Variants in PDRG1 observed in about 807,000 individuals in gnomAD.
PDRG1 encodes p53 and DNA damage regulated 1, also known as p53 and DNA damage-regulated protein 1.
A neutral mutation model predicts 18.4 loss-of-function variants in PDRG1; 14 were observed. The ratio of observed to expected loss-of-function variants is 0.76; its 90% confidence interval spans 0.50 to 1.19. The LOEUF is 1.19. Ranked by LOEUF, PDRG1 falls within the 50% of genes most tolerant of loss-of-function variation. The pLI is 0.00. For missense variants in PDRG1, 177 were observed against 160.1 expected (o/e 1.11, Z -0.57); for synonymous variants, 65 against 60.9 (o/e 1.07, Z -0.31).
chr20:31,946,474 C>T, intron 4 of PDRG1, 22 bp downstream of exon 4: 3 of 1,571,842 alleles, frequency 1.9e-6, no homozygotes, highest in Non-Finnish European at 2.6e-6. Flanking sequence ...CTTCTTATCT[C>T]CAGTCCCTGC....
At position 31,948,836 on chromosome 20, in the gene PDRG1, G is replaced by A. The variant is rs1204261027; in HGVS notation, c.210C>T (p.His70=). The A allele has an allele frequency of 9.9e-6, 16 of 1,613,922 alleles. No homozygotes were observed. Among genetic ancestry groups the A allele is most frequent in the Non-Finnish European group, 1.4e-5 (16 of 1,179,982 alleles). ...TTTCAATCATTTCCTTTGTCTCAGG[G>A]TGAGGCATCTTGATAAACATGTTCC... ...CFGNMFIKMP[H]PETKEMIEKD... The change falls in exon 3 of 5, where the codon CAC becomes CAT. Residue 70 remains histidine, a synonymous_variant. Transcript: ENST00000202017.
intron 1 of PDRG1, among the ~76,000 whole-genome samples, chr20:31,951,195 C>G (rs1177566346): frequency 6.6e-6 from 1 of 152,144 alleles, no homozygotes; most frequent in Non-Finnish European, 1.5e-5. Flanking sequence ...AGTCACGACT[C>G]CCCCGGCTCC....
rs1234387329 is a variant in PDRG1, at chr20:31,951,941, C to A, written c.21G>T (p.Glu7Asp). MLSPEA[E>D]RVLRYLVEVE... ...CTTCTACAAGGTACCGCAGCACTCG[C>A]TCTGCCTCGGGTGATAGCATAGCGC... Residue 7 changes from glutamate to aspartate, a missense_variant, in exon 1 of 5, where the codon GAG becomes GAT. Coordinates refer to ENST00000202017, the MANE Select transcript of PDRG1 (RefSeq NM_030815.3). 1.9e-6 allele frequency: 3 copies of A among 1,582,008 alleles called. No individual in the cohort carries two copies. Among genetic ancestry groups the A allele is most frequent in the Non-Finnish European group, 2.6e-6 (3 of 1,165,314 alleles).
Position 31,945,591 on chromosome 20 carries a change from C to G in PDRG1, c.*216G>C. On this transcript the variant is annotated 3_prime_UTR_variant, in exon 5 of 5. Transcript: ENST00000202017. Reference sequence around the variant, plus strand: ...GCCCGTCAATAGATCTTGTGTCCACCGAGCCCTGGTGTCCAGGTCCAGCAG... The same window carrying G: ...GCCCGTCAATAGATCTTGTGTCCACGGAGCCCTGGTGTCCAGGTCCAGCAG... 1 of 487,618 alleles carries G rather than the reference C, an allele frequency of 2.1e-6. No homozygotes were observed. The highest frequency in any genetic ancestry group is 3.6e-5 in the East Asian group (1 of 28,140). 30.2% of individuals were successfully genotyped at this position (487,618 alleles called of 1,614,324 possible). A position where few individuals can be genotyped will look rare whatever the true frequency, so the allele number is the denominator to read the frequency against.
chr20:31,948,877 C>G lies in PDRG1; in HGVS notation c.169G>C (p.Val57Leu). The G allele has an allele frequency of 6.2e-7, 1 of 1,613,704 alleles. No homozygotes were observed. Among genetic ancestry groups the G allele is most frequent in the Non-Finnish European group, 8.5e-7 (1 of 1,179,856 alleles). ...LQKDLSLSED[V>L]MVCFGNMFIK... is the part of the protein sequence containing the mutation. ...AACATGTTCCCGAAGCAAACCATCACATCTTCTGAAAGAGCAAATAGTAAT... is the reference window on the plus strand; with the variant it reads ...AACATGTTCCCGAAGCAAACCATCAGATCTTCTGAAAGAGCAAATAGTAAT... Residue 57 changes from valine (V) to leucine (L), a missense_variant, in exon 3 of 5, where the codon GTG (valine) becomes CTG (leucine). Val to Leu is a conservative substitution (Grantham distance 32). Transcript: ENST00000202017.
At chr20:31,948,548 C>T (rs908782344) in intron 3 of PDRG1, among the ~76,000 whole-genome samples, 1 of 152,234 alleles carries the variant, frequency 6.6e-6, no homozygotes, top group Non-Finnish European at 1.5e-5. Context: ...ACTGATTCCT[C>T]ACTAATAAGA....
chr20:31,948,940 C>T lies in PDRG1; in HGVS notation c.164-58G>A. 4 of 1,516,906 alleles carry T rather than the reference C, an allele frequency of 2.6e-6. No homozygotes were observed. In the South Asian group the frequency reaches 3.4e-5, roughly 13 times the overall value. 94.0% of individuals were successfully genotyped at this position (1,516,906 alleles called of 1,614,324 possible). On this transcript the variant is annotated intron_variant, in intron 2 of 4. Coordinates refer to ENST00000202017, the MANE Select transcript of PDRG1 (RefSeq NM_030815.3). ...TTTTTTTTGAGTACCTATTATCTGC[C>T]AGGCATTGTTTTAGATACAGACAAC...
Position 31,951,973 on chromosome 20 carries a change from A to G in PDRG1, c.-12T>C. The G allele has an allele frequency of 6.5e-7, 1 of 1,546,716 alleles. No individual in the cohort carries two copies. The highest frequency in any genetic ancestry group is 8.7e-7 in the Non-Finnish European group (1 of 1,148,790). On this transcript the variant is annotated 5_prime_UTR_variant, in exon 1 of 5. Transcript: ENST00000202017. Reference sequence around the variant, plus strand: ...TCGGGTGATAGCATAGCGCCCACCAACTCCGCTTGCGGCTCTCGCGCGACC... The same window carrying G: ...TCGGGTGATAGCATAGCGCCCACCAGCTCCGCTTGCGGCTCTCGCGCGACC...
intron 1 of PDRG1, among the ~76,000 whole-genome samples, chr20:31,951,385 G>T (rs896784841): frequency 6.6e-6 from 1 of 152,030 alleles, no homozygotes; most frequent in Non-Finnish European, 1.5e-5. Flanking sequence ...AGCCAGGGGG[G>T]ATCCTTTTAA....
chr20:31,951,833 G>T lies in PDRG1; in HGVS notation c.87+42C>A, dbSNP rs756445527. 42 of 1,524,634 alleles carry T rather than the reference G, an allele frequency of 2.8e-5. No homozygotes were observed. In the African/African-American group the frequency reaches 5.7e-4, roughly 21 times the overall value. 94.4% of individuals were successfully genotyped at this position (1,524,634 alleles called of 1,614,324 possible). On this transcript the variant is annotated intron_variant, in intron 1 of 4. Transcript: ENST00000202017. Reference sequence around the variant, plus strand: ...CTGCGACCCCGCGCGCTTTCCCACGGCGCCGGCCGCCAGGCCCCAGCGCCG... The same window carrying T: ...CTGCGACCCCGCGCGCTTTCCCACGTCGCCGGCCGCCAGGCCCCAGCGCCG...
chr20:31,946,666 G>T, intron 3 of PDRG1, 90 bp from the exon 4 acceptor site: 1 of 1,161,982 alleles, frequency 8.6e-7, no homozygotes, highest in South Asian at 1.2e-5. Flanking sequence ...CCCCAGCAAG[G>T]GCGTGTAGCT....
Position 31,946,581 on chromosome 20 carries a change from AAAAATGAGGGGGGCAAGCAGAGGAT to A in PDRG1, c.239-30_239-6del. ...CTTTATCCAGATGATCTTGATCTGA[AAAAATGAGGGGGGCAAGCAGAGGAT>A]AAGATTGTACCAGACAGACTTGATC... On this transcript the variant is annotated splice_region_variant and splice_polypyrimidine_tract_variant and intron_variant, in intron 3 of 4. Coordinates refer to ENST00000202017, the MANE Select transcript of PDRG1 (RefSeq NM_030815.3). 6.2e-7 allele frequency: 1 copy of A among 1,607,478 alleles called. No homozygotes were observed. The highest frequency in any genetic ancestry group is 8.5e-7 in the Non-Finnish European group (1 of 1,174,102).
chr20:31,950,443 C>A, intron 1 of PDRG1, 56 bp from the exon 2 acceptor site: 1 of 1,336,790 alleles, frequency 7.5e-7, no homozygotes, highest in Non-Finnish European at 1.1e-6. Flanking sequence ...AAGCTGTCAC[C>A]TCTTGACAGA....
intron 3 of PDRG1, 91 bp downstream of exon 3, chr20:31,948,717 C>A: frequency 4.1e-6 from 5 of 1,217,796 alleles, no homozygotes; most frequent in South Asian, 1.4e-5. Flanking sequence ...CCTCTCCTTA[C>A]GCTGCCTGAA....
Position 31,945,894 on chromosome 20 carries a change from G to A in PDRG1, c.320-5C>T, listed in dbSNP as rs1348398771. ...AACCCTTCAGCTCCGGTTTGCCTAG[G>A]AGAGAAGATGATCCATCAGCACGTC... On this transcript the variant is annotated splice_region_variant and splice_polypyrimidine_tract_variant and intron_variant, in intron 4 of 4. Transcript: ENST00000202017. The A allele has an allele frequency of 6.2e-7, 1 of 1,612,314 alleles. No homozygotes were observed. Among genetic ancestry groups the A allele is most frequent in the South Asian group, 1.1e-5 (1 of 90,958 alleles).
In PDRG1 at chr20:31,946,365, C is replaced by T. The variant is rs1003540426; in HGVS notation, c.319+131G>A. Reference sequence around the variant, plus strand: ...CAGCTACAACCAACCACTGTGCACACCTCCAGGGCCACTCACAGGCTGCCC... The same window carrying T: ...CAGCTACAACCAACCACTGTGCACATCTCCAGGGCCACTCACAGGCTGCCC... On this transcript the variant is annotated intron_variant, in intron 4 of 4. Coordinates refer to ENST00000202017, the MANE Select transcript of PDRG1 (RefSeq NM_030815.3). 1.2e-5 allele frequency: 10 copies of T among 820,994 alleles called. No individual in the cohort carries two copies. In the South Asian group the frequency reaches 1.5e-4, roughly 12 times the overall value. 50.9% of individuals were successfully genotyped at this position (820,994 alleles called of 1,614,324 possible). A position where few individuals can be genotyped will look rare whatever the true frequency, so the allele number is the denominator to read the frequency against.
chr20:31,947,609 G>T (rs780134005), intron 3 of PDRG1, among the ~76,000 whole-genome samples: 3 of 152,190 alleles, frequency 2.0e-5, no homozygotes, highest in Non-Finnish European at 4.4e-5. Flanking sequence ...TATGTCACTG[G>T]CCAGGAGCAG....
intron 1 of PDRG1, 48 bp downstream of exon 1, chr20:31,951,827 C>G: frequency 6.6e-7 from 1 of 1,521,534 alleles, no homozygotes; most frequent in Non-Finnish European, 8.8e-7. Context: ...CGCGCGCTTT[C>G]CCACGGCGCC....
intron 3 of PDRG1, among the ~76,000 whole-genome samples, chr20:31,947,388 C>T (rs2064325703): frequency 6.6e-6 from 1 of 152,188 alleles, no homozygotes; most frequent in African/African-American, 2.4e-5. Context: ...CTGATAATGT[C>T]TCAGAACCCC....
Sources: gnomAD v4.1 joint callset for allele counts (sites outside exome capture counted in the v4.1 genomes callset) on GRCh38, gnomAD v4.1.1 for gene constraint, MANE v1.5 for transcripts, NCBI Gene and HGNC (gene_info 2026-07-23, HGNC 2026-07-21) for gene names.